NINJ2: variants seen among roughly 807,000 people sequenced by gnomAD.
The protein encoded by NINJ2 is ninjurin-2.
Under a neutral mutation model 11.7 loss-of-function variants are expected in NINJ2, and 12 were observed. The ratio of observed to expected loss-of-function variants is 1.02; its 90% CI spans 0.66 to 1.66. NINJ2 has a LOEUF of 1.66. Among genes scored for constraint, NINJ2 ranks in the 40% most tolerant of loss-of-function variants. The probability of loss-of-function intolerance (pLI) is 0.00; values close to 1 mark genes in which losing one functional copy is unlikely to be tolerated. For missense variants in NINJ2, 187 were observed against 181.8 expected (o/e 1.03, Z -0.16); for synonymous variants, 93 against 76.8 (o/e 1.21, Z -1.10).
chr12:592,590 C>T (rs560642248), intron 1 of NINJ2, among the ~76,000 whole-genome samples: 1 of 152,278 alleles, frequency 6.6e-6, no homozygotes, highest in East Asian at 1.9e-4. Context: ...ATCCCAGCTA[C>T]TTGGGAGGCT....
At chr12:586,652 T>C (rs35441314) in intron 1 of NINJ2, among the ~76,000 whole-genome samples, 40,396 of 151,990 alleles carry the variant, frequency 0.27, 5,642 homozygotes, top group South Asian at 0.37. Context: ...ACCTTCCCGT[T>C]TTACAAATCA....
intron 1 of NINJ2, among the ~76,000 whole-genome samples, chr12:578,369 A>T (rs1026459421): frequency 3.9e-5 from 6 of 152,124 alleles, no homozygotes; most frequent in African/African-American, 1.4e-4. Flanking sequence ...CCCAGGCTGG[A>T]GTGCAGTGGT....
Position 640,513 on chromosome 12 carries a change from CCT to C in NINJ2, c.33+22813_33+22814del, listed in dbSNP as rs1306457460. Among the ~76,000 whole-genome samples, 1 of 152,026 alleles carries C rather than the reference CCT, an allele frequency of 6.6e-6. No homozygotes were observed. Among genetic ancestry groups the C allele is most frequent in the Non-Finnish European group, 1.5e-5 (1 of 68,010 alleles). ...CTATTCCTCCTTTCTTCTTAATGGTCCTGTTTTTATTTTATTTTGTTTTATTT... is the reference window on the plus strand; with the variant it reads ...CTATTCCTCCTTTCTTCTTAATGGTCGTTTTTATTTTATTTTGTTTTATTT... On this transcript the variant is annotated intron_variant, in intron 1 of 3. Transcript: ENST00000305108. This position sits in a 1 kb window ranked among gnomAD's most constrained non-coding sequence, Gnocchi z 4.0.
chr12:658,343 T>A (rs933367190), intron 1 of NINJ2, among the ~76,000 whole-genome samples: 2 of 152,250 alleles, frequency 1.3e-5, no homozygotes, highest in African/African-American at 4.8e-5. Context: ...TGCCAAAACT[T>A]GGAAGCAACC....
chr12:658,883 T>C (rs1592121342), intron 1 of NINJ2, among the ~76,000 whole-genome samples: 1 of 151,776 alleles, frequency 6.6e-6, no homozygotes, highest in South Asian at 2.1e-4. Context: ...AAAAAAACAA[T>C]GTACCATTTT....
chr12:584,979 C>A (rs1211612925), intron 1 of NINJ2, among the ~76,000 whole-genome samples: 1 of 148,764 alleles, frequency 6.7e-6, no homozygotes, highest in Non-Finnish European at 1.5e-5. Flanking sequence ...ATTAGCTGGG[C>A]GTGGTGGCGG....
chr12:608,253 C>T (rs1260585096), intron 1 of NINJ2, among the ~76,000 whole-genome samples: 1 of 152,168 alleles, frequency 6.6e-6, no homozygotes, highest in African/African-American at 2.4e-5. Flanking sequence ...TTATCCTATT[C>T]AGCAACAACA....
intron 1 of NINJ2, among the ~76,000 whole-genome samples, chr12:646,056 C>T (rs1937674553): frequency 6.6e-6 from 1 of 152,164 alleles, no homozygotes; most frequent in African/African-American, 2.4e-5. Flanking sequence ...CTAATTCTCT[C>T]ACACAATCTC....
chr12:621,770 T>C (rs1441675507), intron 1 of NINJ2, among the ~76,000 whole-genome samples: 7 of 148,894 alleles, frequency 4.7e-5, no homozygotes, highest in Non-Finnish European at 8.9e-5. Flanking sequence ...TGAGCCAAGA[T>C]TGCGCCACTG....
chr12:589,075 A>G (rs1947683625), intron 1 of NINJ2, among the ~76,000 whole-genome samples: 1 of 152,220 alleles, frequency 6.6e-6, no homozygotes, highest in Non-Finnish European at 1.5e-5. Context: ...TGCTCCCCAA[A>G]GCTCAAAAAG....
At chr12:655,361 G>C (rs543291255) in intron 1 of NINJ2, among the ~76,000 whole-genome samples, 376 of 152,258 alleles carry the variant, frequency 2.5e-3, no homozygotes, top group Non-Finnish European at 4.1e-3. Context: ...TGTCTATGTA[G>C]AAAATCTAAA....
At chr12:565,042 G>C (rs1005015994) in intron 3 of NINJ2, among the ~76,000 whole-genome samples, 175 bp downstream of exon 3, 1 of 152,246 alleles carries the variant, frequency 6.6e-6, no homozygotes, top group Non-Finnish European at 1.5e-5. Context: ...CAGCAGTGGG[G>C]CTTTGTGCAA....
At chr12:610,856 C>T (rs1948019901) in intron 1 of NINJ2, among the ~76,000 whole-genome samples, 1 of 151,554 alleles carries the variant, frequency 6.6e-6, no homozygotes, top group Non-Finnish European at 1.5e-5. Flanking sequence ...GCCTCAGCCT[C>T]CCAAGTAGCT....
chr12:616,339 C>T (rs1948091114), intron 1 of NINJ2, among the ~76,000 whole-genome samples: 2 of 152,138 alleles, frequency 1.3e-5, no homozygotes, highest in Admixed American at 1.3e-4. Context: ...GTTACTAATC[C>T]CACCATGGTT....
intron 1 of NINJ2, chr12:645,109 C>T (rs1044622430): frequency 1.3e-5 from 2 of 152,182 alleles, no homozygotes; most frequent in Admixed American, 1.3e-4. Context: ...TTGATTCCTG[C>T]ATCCCCAATC....
At chr12:638,485 G>A (rs913673700) in intron 1 of NINJ2, among the ~76,000 whole-genome samples, 6 of 152,154 alleles carry the variant, frequency 3.9e-5, no homozygotes, top group African/African-American at 7.2e-5. Context: ...GCGCAATCTC[G>A]GCTCACTACA....
chr12:656,822 A>T (rs1304866321), intron 1 of NINJ2, among the ~76,000 whole-genome samples: 1 of 152,174 alleles, frequency 6.6e-6, no homozygotes, highest in African/African-American at 2.4e-5. Flanking sequence ...AGACAAATAG[A>T]TCAATGGAAC....
At chr12:660,138 A>T (rs61916679) in intron 1 of NINJ2, among the ~76,000 whole-genome samples, 9 of 148,420 alleles carry the variant, frequency 6.1e-5, no homozygotes, top group Non-Finnish European at 1.0e-4. Flanking sequence ...GAAAAAAAAA[A>T]TTAGCTGGGC....
Position 580,709 on chromosome 12 carries a change from G to C in NINJ2, c.34-14531C>G, listed in dbSNP as rs772289661. ...ACCTCTTCTGTGGCACCTTCTGGGG[G>C]TGCCTGCCAATGGCTATAGTATACA... On this transcript the variant is annotated intron_variant, in intron 1 of 3. Coordinates refer to ENST00000305108, the MANE Select transcript of NINJ2 (RefSeq NM_016533.6). This position sits in a 1 kb window ranked among gnomAD's most constrained non-coding sequence, Gnocchi z 4.7. Among the ~76,000 whole-genome samples the C allele has an allele frequency of 6.6e-6, 1 of 152,166 alleles. No individual in the cohort carries two copies. The highest frequency in any genetic ancestry group is 6.5e-5 in the Admixed American group (1 of 15,278).
Sources: allele counts gnomAD v4.1 joint callset (sites outside exome capture counted in the v4.1 genomes callset), GRCh38; gene constraint gnomAD v4.1.1; non-coding constraint Gnocchi (gnomAD v3.1); transcripts MANE v1.5; gene names NCBI Gene and HGNC (gene_info 2026-07-23, HGNC 2026-07-21).